FAT2: variants seen among roughly 807,000 people sequenced by gnomAD.
FAT2 encodes the protein protocadherin Fat 2.
In FAT2, 150 loss-of-function variants were observed where a neutral mutation model predicts 295.3. The ratio of observed to expected loss-of-function variants is 0.51; its 90% confidence interval spans 0.44 to 0.58. The LOEUF (loss-of-function observed/expected upper bound fraction) is 0.58. Ranked by LOEUF, FAT2 falls within the 20% of genes least tolerant of loss-of-function variation. The pLI is 0.00. For missense variants in FAT2, 4,868 were observed against 5,442.7 expected (o/e 0.89, Z 3.32); for synonymous variants, 2,026 against 2,150.3 (o/e 0.94, Z 1.60).
chr5:151,518,172 TAAAATA>T (rs1753058019), intron 19 of FAT2, among the ~76,000 whole-genome samples: 1 of 151,590 alleles, frequency 6.6e-6, no homozygotes, highest in South Asian at 2.1e-4. Context: ...CTCTAAAACA[TAAAATA>T]AAAATAAAAA....
At position 151,505,845 on chromosome 5, in the gene FAT2, G is replaced by C. The variant is rs753815387; in HGVS notation, c.12770C>G (p.Pro4257Arg). The C allele has an allele frequency of 1.2e-6, 2 of 1,612,486 alleles. No individual in the cohort carries two copies. The change falls in exon 24 of 24, where the codon CCT (proline) becomes CGT (arginine). Residue 4257 changes from proline to arginine, a missense_variant. Transcript: ENST00000261800. The stretch of plus-strand genomic sequence containing the variant: ...GGCAACCAGGCGCTCCCGGGGACTA[G>C]GGGGCCGAGAGGGCATCAGATCTTC... ...NLEDLMPSRP[P>R]SPRERLVAPC...
rs1490763382 is a variant in FAT2 at position 151,545,421 on chromosome 5, T to A, written c.5706A>T (p.Glu1902Asp). The change falls in exon 10 of 24, where the codon GAA becomes GAT. Residue 1902 changes from glutamate (E) to aspartate (D), a missense_variant. Physicochemically the swap from Glu to Asp is conservative, Grantham distance 45. Coordinates refer to ENST00000261800, the MANE Select transcript of FAT2 (RefSeq NM_001447.3). ...TGCCAGTTTTGATGCTATAATTGAC[T>A]TCTGAGTCTTCATCGCTGGCCCGCA... is the stretch of plus-strand genomic sequence containing the variant. ...LMVRASDEDS[E>D]VNYSIKTGNA... 6.2e-7 allele frequency: 1 copy of A among 1,614,038 alleles called. No homozygotes were observed. The highest frequency in any genetic ancestry group is 1.7e-5 in the Admixed American group (1 of 60,006).
Position 151,542,649 on chromosome 5 carries a change from A to C in FAT2, c.8478T>G (p.Thr2826=). 1.2e-6 allele frequency: 2 copies of C among 1,614,218 alleles called. No homozygotes were observed. The highest frequency in any genetic ancestry group is 1.7e-6 in the Non-Finnish European group (2 of 1,180,036). Residue 2826 remains threonine (T), a synonymous_variant, in exon 10 of 24, where the codon ACT becomes ACG. Transcript: ENST00000261800. ...TGTAGCTCACCTGGCCATCTCTCCC[A>C]GTGTCCTTGTCAATGGCAGTCACTT... The part of the protein sequence containing the change: ...VIQVTAIDKD[T]GRDGQVSYRL...
chr5:151,529,273 T>C lies in FAT2; in HGVS notation c.9931A>G (p.Ile3311Val). ...LSDVTTVMVN[I>V]TDVNEHRPQF... Reference sequence around the variant, plus strand: ...GGCCGGTGTTCATTGACATCAGTGATGTTGACCATGACTGTGGTCACGTCA... The same window carrying C: ...GGCCGGTGTTCATTGACATCAGTGACGTTGACCATGACTGTGGTCACGTCA... Residue 3311 changes from isoleucine (I) to valine (V), a missense_variant, in exon 15 of 24, where the codon ATC becomes GTC. Ile to Val is a conservative substitution (Grantham distance 29). Around this residue, in one of 5 missense-constraint regions of FAT2, gnomAD observed 1,046 missense variants for 1,210.1 expected, o/e 0.86. Coordinates refer to ENST00000261800, the MANE Select transcript of FAT2 (RefSeq NM_001447.3). 1.2e-6 allele frequency: 2 copies of C among 1,614,120 alleles called. No homozygotes were observed. Among genetic ancestry groups the C allele is most frequent in the Non-Finnish European group, 1.7e-6 (2 of 1,179,976 alleles).
chr5:151,507,844 CTAT>C (rs1297024493), intron 22 of FAT2, among the ~76,000 whole-genome samples: 1 of 152,194 alleles, frequency 6.6e-6, no homozygotes, highest in Admixed American at 6.5e-5. Context: ...CTGGGAATGT[CTAT>C]TATTTTTCCA....
chr5:151,510,146 G>A lies in FAT2; in HGVS notation c.11934C>T (p.Phe3978=). ...TTCCTTGTTCACAGTGCTTCCCAGAGAACTGTGGGGGACATTTGCAGACAT... is the reference window on the plus strand; with the variant it reads ...TTCCTTGTTCACAGTGCTTCCCAGAAAACTGTGGGGGACATTTGCAGACAT... ...AGYVCKCPPQ[F]SGKHCEQGRE... is the part of the protein sequence containing the mutation. The change falls in exon 22 of 24, where the codon TTC becomes TTT. Residue 3978 remains phenylalanine, a synonymous_variant. Coordinates refer to ENST00000261800, the MANE Select transcript of FAT2 (RefSeq NM_001447.3). 1 of 1,614,148 alleles carries A rather than the reference G, an allele frequency of 6.2e-7. No homozygotes were observed. Among genetic ancestry groups the A allele is most frequent in the Non-Finnish European group, 8.5e-7 (1 of 1,180,024 alleles).
intron 22 of FAT2, chr5:151,509,429 C>T (rs1407709687): frequency 1.3e-5 from 2 of 152,736 alleles, no homozygotes; most frequent in Non-Finnish European, 2.9e-5. Flanking sequence ...GGTCGGTGGC[C>T]TGTTAGGAGC....
At chr5:151,551,976 G>GGTGTGT (rs56267278) in intron 6 of FAT2, among the ~76,000 whole-genome samples, 2,760 of 143,610 alleles carry the variant, frequency 0.019, 22 homozygotes, top group African/African-American at 0.034. Flanking sequence ...TAACCCTAAG[G>GGTGTGT]GTGTGTGTGT....
In FAT2 at chr5:151,525,922, C is replaced by T. The variant is rs764790986; in HGVS notation, c.10352G>A (p.Ser3451Asn). 3 of 1,614,206 alleles carry T rather than the reference C, an allele frequency of 1.9e-6. No homozygotes were observed. Among genetic ancestry groups the T allele is most frequent in the Middle Eastern group, 3.3e-4 (2 of 6,062 alleles). The change falls in exon 18 of 24, where the codon AGT (serine) becomes AAT (asparagine). Residue 3451 changes from serine to asparagine, a missense_variant. By Grantham distance (46) the Ser-to-Asn change is conservative. Around this residue, in one of 5 missense-constraint regions of FAT2, gnomAD observed 1,046 missense variants for 1,210.1 expected, o/e 0.86. Coordinates refer to ENST00000261800, the MANE Select transcript of FAT2 (RefSeq NM_001447.3). ...IGSKVLQLIL[S>N]DPDSPENGPP... ...GCCATTCTCTGGAGAATCTGGGTCA[C>T]TCAGGATCAGCTGCAGGACTTTGCT...
At chr5:151,547,548 A>G (rs1403668424) in intron 9 of FAT2, among the ~76,000 whole-genome samples, 1 of 152,226 alleles carries the variant, frequency 6.6e-6, no homozygotes, top group African/African-American at 2.4e-5. Context: ...GCAAATGGCT[A>G]AGTTTTGTCA....
Position 151,546,187 on chromosome 5 carries a change from A to T in FAT2, c.4940T>A (p.Ile1647Asn), listed in dbSNP as rs760854508. Residue 1647 changes from isoleucine (I) to asparagine (N), a missense_variant, in exon 10 of 24, where the codon ATC (isoleucine) becomes AAC (asparagine). Around this residue, in one of 5 missense-constraint regions of FAT2, gnomAD observed 3,297 missense variants for 3,669.4 expected, o/e 0.90. Transcript: ENST00000261800. Reference protein sequence around the residue: ...SPQWHDLATVIIHVYPSDRSA... With the variant: ...SPQWHDLATVNIHVYPSDRSA... The stretch of plus-strand genomic sequence containing the variant: ...CCTATCTGAGGGATAGACATGAATG[A>T]TCACTGTAGCCAGGTCATGCCATTG... 6.2e-7 allele frequency: 1 copy of T among 1,614,184 alleles called. No homozygotes were observed. The highest frequency in any genetic ancestry group is 1.1e-5 in the South Asian group (1 of 91,086).
At chr5:151,538,239 G>A (rs1325773615) in intron 11 of FAT2, among the ~76,000 whole-genome samples, 1 of 152,210 alleles carries the variant, frequency 6.6e-6, no homozygotes. Flanking sequence ...GAGAAGTTCT[G>A]TCATCCAAAA....
intron 1 of FAT2, among the ~76,000 whole-genome samples, chr5:151,569,510 G>C (rs1291472830): frequency 6.6e-6 from 1 of 152,148 alleles, no homozygotes; most frequent in Non-Finnish European, 1.5e-5. Context: ...TGAGATTTGG[G>C]TGGGAACACA....
chr5:151,524,448 A>T (rs1420411871), intron 18 of FAT2, among the ~76,000 whole-genome samples: 1 of 152,210 alleles, frequency 6.6e-6, no homozygotes, highest in Admixed American at 6.5e-5. Flanking sequence ...ATGTGATACA[A>T]TGAGAAGCCG....
At chr5:151,573,675 A>G (rs1758626693) in intron 1 of FAT2, among the ~76,000 whole-genome samples, 1 of 152,064 alleles carries the variant, frequency 6.6e-6, no homozygotes, top group Admixed American at 6.6e-5. Context: ...AACAAAAAAG[A>G]CTTTCAGACA....
At chr5:151,519,367 C>G (rs1034801697) in intron 19 of FAT2, among the ~76,000 whole-genome samples, 1 of 152,238 alleles carries the variant, frequency 6.6e-6, no homozygotes, top group Admixed American at 6.5e-5. Context: ...AAAATCCAAA[C>G]AAGTCCAAAA....
rs761264264 is a variant in FAT2, at chr5:151,554,405, G to A, written c.3902C>T (p.Ser1301Leu). The A allele has an allele frequency of 6.2e-7, 1 of 1,614,196 alleles. No individual in the cohort carries two copies. Among genetic ancestry groups the A allele is most frequent in the Non-Finnish European group, 8.5e-7 (1 of 1,180,036 alleles). Residue 1301 changes from serine to leucine, a missense_variant, in exon 5 of 24, where the codon TCA becomes TTA. Transcript: ENST00000261800. Reference protein sequence around the residue: ...FSIDLVTGVVSSSSTFTAGEY... With the variant: ...FSIDLVTGVVLSSSTFTAGEY... ...TCCAGCTGTAAAAGTGCTGCTGGAT[G>A]AAACCACACCTGTGACCAGGTCGAT... is the stretch of plus-strand genomic sequence containing the variant.
intron 1 of FAT2, among the ~76,000 whole-genome samples, chr5:151,589,477 G>C (rs1019280386): frequency 6.6e-6 from 1 of 152,184 alleles, no homozygotes; most frequent in Admixed American, 6.5e-5. Context: ...GTACTCTATC[G>C]AGAGCCCTGG....
chr5:151,548,091 C>A (rs941098711), intron 9 of FAT2, among the ~76,000 whole-genome samples: 1 of 152,110 alleles, frequency 6.6e-6, no homozygotes, highest in Non-Finnish European at 1.5e-5. Flanking sequence ...AATCCATATT[C>A]TTCTTCAGCG....
Sources: allele counts gnomAD v4.1 joint callset (sites outside exome capture counted in the v4.1 genomes callset), GRCh38; gene constraint gnomAD v4.1.1; regional missense constraint gnomAD v4.1.1; transcripts MANE v1.5; gene names NCBI Gene and HGNC (gene_info 2026-07-23, HGNC 2026-07-21).